Variants in ZMIZ2 observed in about 807,000 individuals in gnomAD.
The protein encoded by ZMIZ2 is zinc finger MIZ-type containing 2, also known as zinc finger MIZ domain-containing protein 2.
A neutral mutation model predicts 93.9 loss-of-function variants in ZMIZ2; 26 were observed. That is an observed-to-expected ratio of 0.28 (90% CI 0.20 to 0.38). The LOEUF is 0.38. Ranked by LOEUF, ZMIZ2 falls within the 10% of genes least tolerant of loss-of-function variation. ZMIZ2 has a pLI of 1.00. For synonymous variants in ZMIZ2, 485 were observed against 516.4 expected, an observed-to-expected ratio of 0.94 and a Z score of 0.82; for missense variants, 1,023 against 1,235.0, an observed-to-expected ratio of 0.83 and a Z score of 2.57.
intron 18 of ZMIZ2, 108 bp from the exon 19 acceptor site, chr7:44,767,408 G>A (rs955527983): frequency 2.8e-5 from 27 of 971,176 alleles, no homozygotes; most frequent in African/African-American, 1.3e-4. Context: ...GGGCTGCTCA[G>A]CATCCCCACT....
Position 44,767,503 on chromosome 7 carries a change from A to C in ZMIZ2, c.2656-13A>C, listed in dbSNP as rs748732406. On this transcript the variant is annotated splice_polypyrimidine_tract_variant and intron_variant, in intron 18 of 18. Coordinates refer to ENST00000309315, the MANE Select transcript of ZMIZ2 (RefSeq NM_031449.4). ...GTGACCAAAGCTGCTAACAGAGTTC[A>C]CTTTGTCCTCAGCTGCTCCCGGAAC... The C allele has an allele frequency of 6.2e-7, 1 of 1,611,176 alleles. No individual in the cohort carries two copies. Among genetic ancestry groups the C allele is most frequent in the Non-Finnish European group, 8.5e-7 (1 of 1,177,372 alleles).
At chr7:44,762,798 C>T in intron 11 of ZMIZ2, 83 bp from the exon 12 acceptor site, 1 of 1,073,848 alleles carries the variant, frequency 9.3e-7, no homozygotes. Context: ...GCCCCTGACA[C>T]ACAACCCCCA....
In ZMIZ2 at chr7:44,760,236, G is replaced by T. The variant is rs774346634; in HGVS notation, c.1071+8G>T. Reference sequence around the variant, plus strand: ...CAACCTGGCCTGAGTGGGGTAGGGGGCCTGGCCGGGAGGATGGGCCGGGAG... The same window carrying T: ...CAACCTGGCCTGAGTGGGGTAGGGGTCCTGGCCGGGAGGATGGGCCGGGAG... On this transcript the variant is annotated splice_region_variant and intron_variant, in intron 8 of 18. Coordinates refer to ENST00000309315, the MANE Select transcript of ZMIZ2 (RefSeq NM_031449.4). The T allele has an allele frequency of 8.1e-6, 13 of 1,609,518 alleles. No individual in the cohort carries two copies. The highest frequency in any genetic ancestry group is 1.0e-5 in the Non-Finnish European group (12 of 1,177,714).
chr7:44,758,300 C>T (rs181803758), intron 6 of ZMIZ2, among the ~76,000 whole-genome samples, 192 bp downstream of exon 6: 6 of 150,650 alleles, frequency 4.0e-5, no homozygotes, highest in South Asian at 2.1e-4. Context: ...GGCAACATGG[C>T]GAAACCGTGT....
intron 11 of ZMIZ2, 134 bp downstream of exon 11, chr7:44,762,039 G>C (rs1791244549): frequency 9.2e-6 from 11 of 1,196,628 alleles, no homozygotes; most frequent in African/African-American, 6.5e-5. Flanking sequence ...GCGGAGCCAG[G>C]ACATGGGCGG....
chr7:44,757,091 G>C lies in ZMIZ2; in HGVS notation c.310G>C (p.Val104Leu). Residue 104 changes from valine (V) to leucine (L), a missense_variant, in exon 4 of 19, where the codon GTG becomes CTG. This residue lies in a region of ZMIZ2 where 656 missense variants were observed against 777.1 expected (regional missense o/e 0.84). Transcript: ENST00000309315. Reference sequence around the variant, plus strand: ...TGAAGGCGGCGCCAACAAGGGCTACGTGCAGCAAGGCGTGTACAGCCGCGG... The same window carrying C: ...TGAAGGCGGCGCCAACAAGGGCTACCTGCAGCAAGGCGTGTACAGCCGCGG... ...FAEGGANKGY[V>L]QQGVYSRGGY... The C allele has an allele frequency of 6.2e-7, 1 of 1,606,550 alleles. No homozygotes were observed.
chr7:44,749,765 C>T (rs1365958142), intron 1 of ZMIZ2: 10 of 152,356 alleles, frequency 6.6e-5, no homozygotes, highest in Admixed American at 6.5e-4. Context: ...TACCCTCTTT[C>T]CAGTATTACA....
At chr7:44,754,891 G>C (rs955544952) in intron 1 of ZMIZ2, among the ~76,000 whole-genome samples, 10 of 152,216 alleles carry the variant, frequency 6.6e-5, no homozygotes, top group Admixed American at 5.9e-4. Flanking sequence ...GGATAGCCTA[G>C]GCAGGCAGAG....
Position 44,761,804 on chromosome 7 carries a change from G to A in ZMIZ2, c.1495G>A (p.Glu499Lys). 12 of 1,613,836 alleles carry A rather than the reference G, an allele frequency of 7.4e-6. No homozygotes were observed. Among genetic ancestry groups the A allele is most frequent in the Non-Finnish European group, 1.0e-5 (12 of 1,180,030 alleles). The change falls in exon 11 of 19, where the codon GAG (glutamate) becomes AAG (lysine). Residue 499 changes from glutamate (E) to lysine (K), a missense_variant. By Grantham distance (56) the Glu-to-Lys change is moderately conservative (BLOSUM62 1). Transcript: ENST00000309315. The surrounding 1 kb of genome is among the most constrained non-coding windows in gnomAD (Gnocchi z 5.8). Reference sequence around the variant, plus strand: ...CGTCAATGCCACGCCGCTCACCATCGAGCGTGGCGACAACAAGACCTCGCA... The same window carrying A: ...CGTCAATGCCACGCCGCTCACCATCAAGCGTGGCGACAACAAGACCTCGCA... The part of the protein sequence containing the change: ...VSVNATPLTI[E>K]RGDNKTSHKP...
At position 44,757,559 on chromosome 7, in the gene ZMIZ2, G is replaced by A. The variant is rs770292873; in HGVS notation, c.550G>A (p.Ala184Thr). Residue 184 changes from alanine to threonine, a missense_variant and splice_region_variant, in exon 5 of 19, where the codon GCG becomes ACG. Around this residue, in one of 3 missense-constraint regions of ZMIZ2, gnomAD observed 656 missense variants for 777.1 expected, o/e 0.84. Coordinates refer to ENST00000309315, the MANE Select transcript of ZMIZ2 (RefSeq NM_031449.4). ...GAGCCAGGAGCTGAGCCAGTATGGA[G>A]CGGTGAGCCCCCTCAGCAGCTCCTC... ...KQSQELSQYG[A>T]MGAGQSFNSQ... 1.3e-6 allele frequency: 2 copies of A among 1,593,960 alleles called. No individual in the cohort carries two copies. The highest frequency in any genetic ancestry group is 1.1e-5 in the South Asian group (1 of 90,030).
chr7:44,763,384 G>A lies in ZMIZ2; in HGVS notation c.1831G>A (p.Ala611Thr). 1 of 1,614,114 alleles carries A rather than the reference G, an allele frequency of 6.2e-7. No individual in the cohort carries two copies. The highest frequency in any genetic ancestry group is 8.5e-7 in the Non-Finnish European group (1 of 1,180,012). ...CACCTTCCGCAGGATCCAGCTCCCT[G>A]CCCGAGGTCATGACTGTCGCCACAT... Reference protein sequence around the residue: ...PITFRRIQLPARGHDCRHIQC... With the variant: ...PITFRRIQLPTRGHDCRHIQC... Residue 611 changes from alanine to threonine, a missense_variant, in exon 13 of 19, where the codon GCC (alanine) becomes ACC (threonine). Physicochemically the swap from Ala to Thr is moderately conservative, Grantham distance 58. Around this residue, in one of 3 missense-constraint regions of ZMIZ2, gnomAD observed 48 missense variants for 99.1 expected, o/e 0.48. Coordinates refer to ENST00000309315, the MANE Select transcript of ZMIZ2 (RefSeq NM_031449.4). This position sits in a 1 kb window ranked among gnomAD's most constrained non-coding sequence, Gnocchi z 5.6.
At position 44,760,211 on chromosome 7, in the gene ZMIZ2, C is replaced by T; in HGVS notation, c.1054C>T (p.Gln352Ter). 1 of 1,613,040 alleles carries T rather than the reference C, an allele frequency of 6.2e-7. No individual in the cohort carries two copies. Among genetic ancestry groups the T allele is most frequent in the African/African-American group, 1.3e-5 (1 of 74,990 alleles). ...CAACGGGGGCAGCGTCAGCTACAGC[C>T]AACCTGGCCTGAGTGGGGTAGGGGG... ...SFNGGSVSYS[Q>*]PGLSGPTRSI... Residue 352 changes from glutamine to a stop codon, truncating the protein, a stop_gained, in exon 8 of 19, where the codon CAA (glutamine) becomes TAA (stop). Transcript: ENST00000309315. LOFTEE classifies it high-confidence loss of function.
chr7:44,765,729 C>G lies in ZMIZ2; in HGVS notation c.2242+150C>G. 1 of 1,217,026 alleles carries G rather than the reference C, an allele frequency of 8.2e-7. No homozygotes were observed. Among genetic ancestry groups the G allele is most frequent in the South Asian group, 1.5e-5 (1 of 64,538 alleles). The allele number at this position is 1,217,026 out of a possible 1,614,324, so 75.4% of individuals were successfully genotyped here. A position where few individuals can be genotyped will look rare whatever the true frequency, so the allele number is the denominator to read the frequency against. ...CCACACAAAACATGCCGCGGGGCAC[C>G]TCCAGCCCCTCCCATCTCAGGGACG... On this transcript the variant is annotated intron_variant, in intron 16 of 18. Transcript: ENST00000309315. The surrounding 1 kb of genome is among the most constrained non-coding windows in gnomAD (Gnocchi z 4.1).
chr7:44,767,976 C>T lies in ZMIZ2; in HGVS notation c.*353C>T, dbSNP rs536826474. ...CCTTGTCCTTCCACCCCTGCCTGCC[C>T]CCACCCAGCCTGCTTCTTGTCCAGC... On this transcript the variant is annotated 3_prime_UTR_variant, in exon 19 of 19. Coordinates refer to ENST00000309315, the MANE Select transcript of ZMIZ2 (RefSeq NM_031449.4). The T allele has an allele frequency of 3.6e-5, 13 of 363,386 alleles. No individual in the cohort carries two copies. The East Asian group carries it at 8.1e-4, about 23-fold the overall frequency. The allele number at this position is 363,386 out of a possible 1,614,324, so 22.5% of individuals were successfully genotyped here. A position where few individuals can be genotyped will look rare whatever the true frequency, so the allele number is the denominator to read the frequency against.
Position 44,756,666 on chromosome 7 carries a change from G to A in ZMIZ2, c.165+127G>A, listed in dbSNP as rs1028943305. On this transcript the variant is annotated intron_variant, in intron 3 of 18. Transcript: ENST00000309315. ...GGTGAGGACAGAGAGGCTGAGGCAT[G>A]ACATATGAGGATGGGGCCTCCTGAG... The A allele has an allele frequency of 7.8e-6, 8 of 1,031,894 alleles. No homozygotes were observed. The African/African-American group carries it at 1.1e-4, about 14-fold the overall frequency. The allele number at this position is 1,031,894 out of a possible 1,614,324, so 63.9% of individuals were successfully genotyped here.
chr7:44,757,254 A>G, intron 4 of ZMIZ2, 105 bp downstream of exon 4: 1 of 1,502,766 alleles, frequency 6.7e-7, no homozygotes, highest in South Asian at 1.2e-5. Context: ...CTGCTTCCTG[A>G]CAGCTGTAGT....
At chr7:44,758,783 G>A (rs533182831) in intron 6 of ZMIZ2, among the ~76,000 whole-genome samples, 6 of 151,804 alleles carry the variant, frequency 4.0e-5, no homozygotes, top group East Asian at 2.0e-4. Flanking sequence ...GTGTGGTGGC[G>A]GGCGCCTGCA....
At chr7:44,756,766 T>G (rs923975718) in intron 3 of ZMIZ2, 181 bp from the exon 4 acceptor site, 1 of 844,360 alleles carries the variant, frequency 1.2e-6, no homozygotes, top group Non-Finnish European at 1.9e-6. Context: ...TCACCTAGCC[T>G]TCACAAAATG....
At chr7:44,762,070 G>A (rs1031258053) in intron 11 of ZMIZ2, among the ~76,000 whole-genome samples, 165 bp downstream of exon 11, 3 of 152,238 alleles carry the variant, frequency 2.0e-5, no homozygotes, top group African/African-American at 7.2e-5. Flanking sequence ...AGCACCATCA[G>A]ATCATGCCGC....
Sources: gnomAD v4.1 joint callset for allele counts (sites outside exome capture counted in the v4.1 genomes callset) on GRCh38, gnomAD v4.1.1 for gene constraint, gnomAD v4.1.1 regional missense constraint, Gnocchi (gnomAD v3.1) non-coding constraint, MANE v1.5 for transcripts, NCBI Gene and HGNC (gene_info 2026-07-23, HGNC 2026-07-21) for gene names.